Variants in FER observed in about 807,000 individuals in gnomAD.
FER encodes the protein FER tyrosine kinase, also known as tyrosine-protein kinase Fer.
Under a neutral mutation model 111.0 loss-of-function variants are expected in FER, and 63 were observed. The ratio of observed to expected loss-of-function variants is 0.57; its 90% CI spans 0.46 to 0.70. The LOEUF is 0.70. Among genes scored for constraint, FER ranks in the 30% least tolerant of loss-of-function variants. The probability of loss-of-function intolerance (pLI) is 0.00; values close to 1 mark genes in which losing one functional copy is unlikely to be tolerated. For synonymous variants in FER, 327 were observed against 313.9 expected (o/e 1.04, Z -0.44); for missense variants, 914 against 954.0 (o/e 0.96, Z 0.55).
chr5:109,091,659 G>A (rs1746777788), intron 16 of FER, among the ~76,000 whole-genome samples: 1 of 152,164 alleles, frequency 6.6e-6, no homozygotes, highest in Admixed American at 6.5e-5. Context: ...GAGCGGCAAT[G>A]TACACTGCAC....
At chr5:109,174,601 CAT>C (rs1757486952) in intron 17 of FER, among the ~76,000 whole-genome samples, 1 of 152,152 alleles carries the variant, frequency 6.6e-6, no homozygotes, top group African/African-American at 2.4e-5. Flanking sequence ...TCAGGACACT[CAT>C]ATTGTTTCAA....
chr5:108,817,346 C>G (rs758290614), intron 3 of FER, among the ~76,000 whole-genome samples: 7 of 152,040 alleles, frequency 4.6e-5, no homozygotes, highest in African/African-American at 9.7e-5. Flanking sequence ...GACACAGAGA[C>G]TCCAAAAACA....
chr5:109,052,306 G>C, intron 16 of FER: 1 of 1,607,740 alleles, frequency 6.2e-7, no homozygotes, highest in Non-Finnish European at 8.5e-7. Context: ...ACAACGAAAG[G>C]CAGACTGCTC....
At chr5:109,063,936 A>T (rs564290997) in intron 16 of FER, among the ~76,000 whole-genome samples, 8 of 152,306 alleles carry the variant, frequency 5.3e-5, no homozygotes, top group African/African-American at 1.9e-4. Flanking sequence ...TTATTGTATA[A>T]TTCAAGAACA....
intron 10 of FER, among the ~76,000 whole-genome samples, chr5:108,939,730 AT>A (rs1756003518): frequency 1.3e-5 from 2 of 152,020 alleles, no homozygotes; most frequent in Admixed American, 1.3e-4. Context: ...ATTTTTCTAT[AT>A]TTTTATTAAA....
At chr5:109,180,242 G>A (rs948140639) in intron 17 of FER, among the ~76,000 whole-genome samples, 1 of 152,086 alleles carries the variant, frequency 6.6e-6, no homozygotes, top group Non-Finnish European at 1.5e-5. Flanking sequence ...TCCAACCTTT[G>A]GGAAGCCCTA....
At chr5:108,916,967 G>C (rs1451576597) in intron 10 of FER, among the ~76,000 whole-genome samples, 1 of 151,968 alleles carries the variant, frequency 6.6e-6, no homozygotes, top group Non-Finnish European at 1.5e-5. Flanking sequence ...TCTATATTTT[G>C]ATCAGTTAGC....
At chr5:109,035,747 A>T (rs1770298141) in intron 13 of FER, among the ~76,000 whole-genome samples, 1 of 152,194 alleles carries the variant, frequency 6.6e-6, no homozygotes, top group Admixed American at 6.5e-5. Context: ...CTGCGTTGGG[A>T]AAAAAATGCT....
intron 10 of FER, among the ~76,000 whole-genome samples, chr5:108,914,140 A>G (rs896815402): frequency 1.3e-5 from 2 of 152,268 alleles, no homozygotes; most frequent in African/African-American, 4.8e-5. Context: ...AAACTTTGCT[A>G]TATTCATCTT....
chr5:108,785,952 A>G (rs982157232), intron 2 of FER, among the ~76,000 whole-genome samples: 1 of 152,028 alleles, frequency 6.6e-6, no homozygotes, highest in Non-Finnish European at 1.5e-5. Flanking sequence ...ATTTGTTTAT[A>G]TTTGTGCTTA....
intron 3 of FER, among the ~76,000 whole-genome samples, chr5:108,806,912 G>A (rs1040478571): frequency 3.9e-5 from 6 of 152,140 alleles, no homozygotes; most frequent in African/African-American, 1.4e-4. Context: ...GGGAAGGCGT[G>A]ATTGGTTTTG....
At chr5:108,868,168 AT>A (rs1257745149) in intron 6 of FER, among the ~76,000 whole-genome samples, 1 of 151,952 alleles carries the variant, frequency 6.6e-6, no homozygotes, top group African/African-American at 2.4e-5. Flanking sequence ...CTTCTTTTGT[AT>A]GTTTTTGTTT....
At chr5:108,974,719 C>T (rs1270017741) in intron 13 of FER, among the ~76,000 whole-genome samples, 1 of 152,106 alleles carries the variant, frequency 6.6e-6, no homozygotes, top group Non-Finnish European at 1.5e-5. Context: ...AGGTAGAAGT[C>T]GTAGTCAGAC....
chr5:108,811,671 C>T (rs1488984272), intron 3 of FER, among the ~76,000 whole-genome samples: 2 of 152,028 alleles, frequency 1.3e-5, no homozygotes, highest in East Asian at 1.9e-4. Context: ...AAAAGACACA[C>T]GATATGCTGT....
chr5:108,996,430 A>G (rs930203297), intron 13 of FER, among the ~76,000 whole-genome samples: 1 of 152,088 alleles, frequency 6.6e-6, no homozygotes, highest in African/African-American at 2.4e-5. Flanking sequence ...TCTTGAGTTT[A>G]TTTTTGTATA....
chr5:109,035,344 G>T (rs1315332073), intron 13 of FER, among the ~76,000 whole-genome samples: 1 of 152,054 alleles, frequency 6.6e-6, no homozygotes, highest in Non-Finnish European at 1.5e-5. Flanking sequence ...CTGATACCTA[G>T]CATTATAGAT....
At chr5:109,155,461 G>C (rs1487403100) in intron 17 of FER, among the ~76,000 whole-genome samples, 1 of 151,876 alleles carries the variant, frequency 6.6e-6, no homozygotes, top group African/African-American at 2.4e-5. Flanking sequence ...ATTGCATAGA[G>C]GTACTTGTAA....
intron 5 of FER, among the ~76,000 whole-genome samples, chr5:108,851,600 C>T (rs1258390916): frequency 6.6e-6 from 1 of 151,742 alleles, no homozygotes; most frequent in African/African-American, 2.4e-5. Context: ...TAATGCATGC[C>T]AATTTTATAA....
chr5:109,112,628 A>C (rs1050966291), intron 17 of FER, among the ~76,000 whole-genome samples: 5 of 152,176 alleles, frequency 3.3e-5, no homozygotes, highest in African/African-American at 1.2e-4. Context: ...ACTTGGAAGA[A>C]AAATACTGCA....
Sources: allele counts gnomAD v4.1 joint callset (sites outside exome capture counted in the v4.1 genomes callset), GRCh38; gene constraint gnomAD v4.1.1; transcripts MANE v1.5; gene names NCBI Gene and HGNC (gene_info 2026-07-23, HGNC 2026-07-21).